Variants in PPP2R3C observed in about 807,000 individuals in gnomAD.
PPP2R3C encodes serine/threonine-protein phosphatase 2A regulatory subunit B'' subunit gamma.
A neutral mutation model predicts 63.7 loss-of-function variants in PPP2R3C; 47 were observed. That is an observed-to-expected ratio of 0.74 (90% CI 0.58 to 0.94). The LOEUF is 0.94. PPP2R3C is among the 40% of genes least tolerant of loss of function. The pLI is 0.00. For synonymous variants in PPP2R3C, 180 were observed against 177.4 expected (o/e 1.01, Z -0.12); for missense variants, 421 against 518.4 (o/e 0.81, Z 1.82).
intron 12 of PPP2R3C, chr14:35,086,791 C>G (rs564096549): frequency 1.3e-5 from 2 of 152,866 alleles, no homozygotes; most frequent in South Asian, 2.1e-4. Flanking sequence ...AGCCACCGTG[C>G]CCAGCCCCTT....
At chr14:35,111,235 C>CAAAAAAAAAAAA (rs3058398) in intron 2 of PPP2R3C, among the ~76,000 whole-genome samples, 2 of 89,772 alleles carry the variant, frequency 2.2e-5, no homozygotes, top group Admixed American at 1.4e-4. Context: ...CTCCATCTAC[C>CAAAAAAAAAAAA]AAAAAAAAAA....
intron 6 of PPP2R3C, among the ~76,000 whole-genome samples, chr14:35,107,049 C>T (rs2046386648): frequency 6.6e-6 from 1 of 152,110 alleles, no homozygotes; most frequent in Admixed American, 6.6e-5. Flanking sequence ...TTGGAATTGA[C>T]ATTCTCTATT....
chr14:35,093,705 G>A (rs1034367609), intron 10 of PPP2R3C, among the ~76,000 whole-genome samples: 1 of 151,752 alleles, frequency 6.6e-6, no homozygotes, highest in African/African-American at 2.4e-5. Context: ...GGAGTGCAGT[G>A]GCGCCATCTC....
intron 7 of PPP2R3C, chr14:35,099,030 C>T: frequency 2.3e-6 from 1 of 440,520 alleles, no homozygotes; most frequent in Non-Finnish European, 3.7e-6. Flanking sequence ...TGTCACACAG[C>T]AGGTTATGGT....
At position 35,099,238 on chromosome 14, in the gene PPP2R3C, A is replaced by T; in HGVS notation, c.706+14T>A. 6.5e-7 allele frequency: 1 copy of T among 1,546,346 alleles called. No individual in the cohort carries two copies. The highest frequency in any genetic ancestry group is 8.7e-7 in the Non-Finnish European group (1 of 1,155,622). ...ATCCTCATAATATCTAAGTTAGATA[A>T]GATTTTCTTTTACCTGTTCTTAAAG... On this transcript the variant is annotated intron_variant, in intron 7 of 12. Transcript: ENST00000261475.
At chr14:35,103,741 A>G (rs1234023971) in intron 6 of PPP2R3C, among the ~76,000 whole-genome samples, 4 of 152,204 alleles carry the variant, frequency 2.6e-5, no homozygotes, top group Admixed American at 2.6e-4. Flanking sequence ...TGAGCCCTAC[A>G]AGCTTAGAAT....
intron 11 of PPP2R3C, among the ~76,000 whole-genome samples, chr14:35,089,270 T>G (rs1375390869): frequency 1.3e-5 from 2 of 152,086 alleles, no homozygotes; most frequent in East Asian, 1.9e-4. Flanking sequence ...ACCCAGCTAA[T>G]TTTTAATTTT....
chr14:35,111,920 A>G (rs1566424545), intron 2 of PPP2R3C, among the ~76,000 whole-genome samples: 1 of 152,172 alleles, frequency 6.6e-6, no homozygotes, highest in Non-Finnish European at 1.5e-5. Flanking sequence ...GAGTAATAAT[A>G]AAACTCCTGT....
intron 10 of PPP2R3C, 84 bp downstream of exon 10, chr14:35,094,964 G>A: frequency 1.4e-6 from 2 of 1,388,382 alleles, no homozygotes; most frequent in Non-Finnish European, 2.0e-6. Context: ...AAAAAAAAAA[G>A]GGCTGTATTA....
At position 35,109,896 on chromosome 14, in the gene PPP2R3C, T is replaced by C. The variant is rs1427030293; in HGVS notation, c.327A>G (p.Pro109=). 1 of 1,610,714 alleles carries C rather than the reference T, an allele frequency of 6.2e-7. No homozygotes were observed. Among genetic ancestry groups the C allele is most frequent in the African/African-American group, 1.3e-5 (1 of 74,946 alleles). Residue 109 remains proline (P), a synonymous_variant, in exon 4 of 13, where the codon CCA becomes CCG. Coordinates refer to ENST00000261475, the MANE Select transcript of PPP2R3C (RefSeq NM_017917.4). ...LWFLLDKHQT[P]PMIGEEAMIN... ...TCATCGCTTCCTCTCCAATCATAGG[T>C]GGTGTCTGGTGTTTGTCCAGCAAAA...
intron 12 of PPP2R3C, 175 bp downstream of exon 12, chr14:35,087,776 C>A (rs2138594909): frequency 5.1e-6 from 3 of 593,238 alleles, no homozygotes; most frequent in Admixed American, 3.0e-5. Flanking sequence ...TTATAAACTA[C>A]ATAAATAGTC....
intron 7 of PPP2R3C, among the ~76,000 whole-genome samples, chr14:35,097,161 G>A (rs2046025519): frequency 6.6e-6 from 1 of 152,002 alleles, no homozygotes; most frequent in South Asian, 2.1e-4. Context: ...GTTGCAGTGA[G>A]CTGAGATCAA....
intron 1 of PPP2R3C, among the ~76,000 whole-genome samples, chr14:35,120,978 A>G (rs2046864874): frequency 6.6e-6 from 1 of 152,066 alleles, no homozygotes; most frequent in Non-Finnish European, 1.5e-5. Flanking sequence ...GAAAACACAG[A>G]TTGGCAGTTT....
chr14:35,102,074 T>C (rs2046214925), intron 6 of PPP2R3C: 1 of 149,444 alleles, frequency 6.7e-6, no homozygotes, highest in South Asian at 2.1e-4. Flanking sequence ...CAGTCCAGGC[T>C]GGAGTGCAGT....
rs530854336 is a variant in PPP2R3C, at chr14:35,102,632, G to T, written c.574-3248C>A. ...ATTTGTGTTTTTTCTGGGAAGGAGG[G>T]GAGTCCAAAATATATATTGAATTAA... On this transcript the variant is annotated intron_variant, in intron 6 of 12. Coordinates refer to ENST00000261475, the MANE Select transcript of PPP2R3C (RefSeq NM_017917.4). 3 of 152,174 alleles carry T rather than the reference G, an allele frequency of 2.0e-5. No homozygotes were observed. In the East Asian group the frequency reaches 5.8e-4, roughly 29 times the overall value. The allele number at this position is 152,174 out of a possible 1,614,324, so 9.4% of individuals were successfully genotyped here.
intron 9 of PPP2R3C, among the ~76,000 whole-genome samples, chr14:35,095,778 G>A (rs1179897344): frequency 6.7e-6 from 1 of 149,566 alleles, no homozygotes; most frequent in Non-Finnish European, 1.5e-5. Flanking sequence ...TTGAACCTGG[G>A]AGGTGGAGGT....
chr14:35,096,054 G>A (rs974261034), intron 9 of PPP2R3C, among the ~76,000 whole-genome samples: 2 of 152,068 alleles, frequency 1.3e-5, no homozygotes, highest in Non-Finnish European at 2.9e-5. Flanking sequence ...ACTTAAAAAG[G>A]GTTCTGCTGG....
At position 35,091,174 on chromosome 14, in the gene PPP2R3C, A is replaced by T; in HGVS notation, c.1009T>A (p.Leu337Ile). 2 of 1,610,906 alleles carry T rather than the reference A, an allele frequency of 1.2e-6. No individual in the cohort carries two copies. The highest frequency in any genetic ancestry group is 1.7e-6 in the Non-Finnish European group (2 of 1,178,578). Residue 337 changes from leucine to isoleucine, a missense_variant, in exon 11 of 13, where the codon TTA becomes ATA. Around this residue, in one of 3 missense-constraint regions of PPP2R3C, gnomAD observed 231 missense variants for 264.8 expected, o/e 0.87. Transcript: ENST00000261475. ...GCTGCAGGTTCCTTTCTGTTTTCTAATGCAAGGACAAAGTCCAAGTAGGTC... is the reference window on the plus strand; with the variant it reads ...GCTGCAGGTTCCTTTCTGTTTTCTATTGCAAGGACAAAGTCCAAGTAGGTC... Reference protein sequence around the residue: ...YKTYLDFVLALENRKEPAALQ... With the variant: ...YKTYLDFVLAIENRKEPAALQ...
intron 6 of PPP2R3C, among the ~76,000 whole-genome samples, chr14:35,104,312 G>A (rs2046281734): frequency 6.6e-6 from 1 of 152,096 alleles, no homozygotes; most frequent in South Asian, 2.1e-4. Context: ...CAGTATAAAT[G>A]TTCAGAATGA....
Sources: gnomAD v4.1 joint callset for allele counts (sites outside exome capture counted in the v4.1 genomes callset) on GRCh38, gnomAD v4.1.1 for gene constraint, gnomAD v4.1.1 regional missense constraint, MANE v1.5 for transcripts, NCBI Gene and HGNC (gene_info 2026-07-23, HGNC 2026-07-21) for gene names.